Variants in LMTK2 observed in about 807,000 individuals in gnomAD.
LMTK2 encodes serine/threonine-protein kinase LMTK2.
Under a neutral mutation model 127.5 loss-of-function variants are expected in LMTK2, and 37 were observed. The ratio of observed to expected loss-of-function variants is 0.29; its 90% CI spans 0.22 to 0.38. The LOEUF is 0.38. Ranked by LOEUF, LMTK2 falls within the 10% of genes least tolerant of loss-of-function variation. The pLI, the probability that LMTK2 is intolerant of heterozygous loss-of-function variation, is 1.00. For missense variants in LMTK2, 1,694 were observed against 1,920.3 expected, an observed-to-expected ratio of 0.88 and a Z score of 2.20; for synonymous variants, 819 against 810.1, an observed-to-expected ratio of 1.01 and a Z score of -0.19.
Position 98,194,010 on chromosome 7 carries a change from C to T in LMTK2, c.3545C>T (p.Pro1182Leu). Reference sequence around the variant, plus strand: ...CTGGAATTAAGAGCCACGCCGGAGCCAGCACAGACTGGTGTTCCCCAGCAG... The same window carrying T: ...CTGGAATTAAGAGCCACGCCGGAGCTAGCACAGACTGGTGTTCCCCAGCAG... ...SDLELRATPE[P>L]AQTGVPQQVH... The change falls in exon 11 of 14, where the codon CCA becomes CTA. Residue 1182 changes from proline to leucine, a missense_variant. Coordinates refer to ENST00000297293, the MANE Select transcript of LMTK2 (RefSeq NM_014916.4). This position sits in a 1 kb window ranked among gnomAD's most constrained non-coding sequence, Gnocchi z 5.4. 1.2e-6 allele frequency: 2 copies of T among 1,614,154 alleles called. No individual in the cohort carries two copies. The highest frequency in any genetic ancestry group is 1.7e-6 in the Non-Finnish European group (2 of 1,180,054).
At chr7:98,133,804 A>T (rs1384034915) in intron 1 of LMTK2, among the ~76,000 whole-genome samples, 1 of 152,096 alleles carries the variant, frequency 6.6e-6, no homozygotes, top group East Asian at 1.9e-4. Flanking sequence ...CTATCTAGTG[A>T]CTCACAGAGG....
At chr7:98,185,286 T>G in intron 8 of LMTK2, 151 bp downstream of exon 8, 1 of 555,562 alleles carries the variant, frequency 1.8e-6, no homozygotes, top group Middle Eastern at 4.9e-4. Context: ...GGTCTAGGCT[T>G]CTGGCGTGTG....
intron 7 of LMTK2, among the ~76,000 whole-genome samples, chr7:98,183,320 T>G (rs1797381465): frequency 6.6e-6 from 1 of 152,230 alleles, no homozygotes; most frequent in African/African-American, 2.4e-5. Context: ...TTCATCTGCA[T>G]AATAAGAACC....
At chr7:98,184,410 TATTGTC>T (rs1231210127) in intron 7 of LMTK2, among the ~76,000 whole-genome samples, 5 of 151,966 alleles carry the variant, frequency 3.3e-5, no homozygotes, top group Non-Finnish European at 7.4e-5. Context: ...ACCATCACTT[TATTGTC>T]GCCTGACAGT....
rs537660111 is a variant in LMTK2 at position 98,195,235 on chromosome 7, G to A, written c.4107+663G>A. On this transcript the variant is annotated intron_variant, in intron 11 of 13. Transcript: ENST00000297293. ...AGTAGGACCCACCACTTGGGTACAA[G>A]CCTGGAACCATGGCTGGCGTGCAGC... Among the ~76,000 whole-genome samples the A allele has an allele frequency of 3.3e-5, 5 of 152,252 alleles. No individual in the cohort carries two copies. The South Asian group carries it at 1.0e-3, about 32-fold the overall frequency.
At chr7:98,115,191 G>A (rs1444199116) in intron 1 of LMTK2, among the ~76,000 whole-genome samples, 2 of 152,008 alleles carry the variant, frequency 1.3e-5, no homozygotes, top group Non-Finnish European at 2.9e-5. Flanking sequence ...GAGGTGGGTG[G>A]ATCACGTGAG....
At chr7:98,128,361 G>C (rs1006877036) in intron 1 of LMTK2, among the ~76,000 whole-genome samples, 11 of 152,042 alleles carry the variant, frequency 7.2e-5, no homozygotes, top group Admixed American at 6.6e-4. Context: ...GAGACACCAG[G>C]GATGCACACG....
chr7:98,179,151 G>A (rs1440685934), intron 7 of LMTK2, among the ~76,000 whole-genome samples: 1 of 152,244 alleles, frequency 6.6e-6, no homozygotes, highest in Admixed American at 6.5e-5. Context: ...AGGACCTTCT[G>A]CAGGCGTAAT....
chr7:98,131,004 A>G (rs982718262), intron 1 of LMTK2, among the ~76,000 whole-genome samples: 1 of 152,210 alleles, frequency 6.6e-6, no homozygotes, highest in Non-Finnish European at 1.5e-5. Flanking sequence ...CATGCAAGAC[A>G]TAGATACTGT....
chr7:98,125,384 T>C (rs1796430463), intron 1 of LMTK2, among the ~76,000 whole-genome samples: 1 of 152,260 alleles, frequency 6.6e-6, no homozygotes, highest in African/African-American at 2.4e-5. Context: ...TATATTTACT[T>C]AGTTGCTTAT....
intron 1 of LMTK2, among the ~76,000 whole-genome samples, chr7:98,115,100 A>G (rs1370076232): frequency 6.6e-6 from 1 of 152,190 alleles, no homozygotes; most frequent in African/African-American, 2.4e-5. Context: ...TGATTTATAA[A>G]TGACATGGGA....
intron 1 of LMTK2, among the ~76,000 whole-genome samples, chr7:98,121,865 T>A (rs1176545714): frequency 6.6e-6 from 1 of 151,438 alleles, no homozygotes; most frequent in African/African-American, 2.4e-5. Flanking sequence ...ATTAGCTGGG[T>A]GTGGTGGTGT....
At chr7:98,198,071 AT>A (rs57844130) in intron 11 of LMTK2, among the ~76,000 whole-genome samples, 3 of 149,048 alleles carry the variant, frequency 2.0e-5, no homozygotes, top group East Asian at 2.0e-4. Flanking sequence ...GTTTTCATGG[AT>A]TTTTTTTTCT....
Position 98,151,455 on chromosome 7 carries a change from G to C in LMTK2, c.450G>C (p.Lys150Asn). Residue 150 changes from lysine (K) to asparagine (N), a missense_variant and splice_region_variant, in exon 4 of 14, where the codon AAG (lysine) becomes AAC (asparagine). Physicochemically the swap from Lys to Asn is moderately conservative, Grantham distance 94. This residue lies in a region of LMTK2 where 203 missense variants were observed against 226.2 expected (regional missense o/e 0.90). Transcript: ENST00000297293. ...AAATTGGAAATGGCTGGTTTGGAAAGGTAAGATGCTCTTCACTTGCATTTG... is the reference window on the plus strand; with the variant it reads ...AAATTGGAAATGGCTGGTTTGGAAACGTAAGATGCTCTTCACTTGCATTTG... Reference protein sequence around the residue: ...IQEIGNGWFGKVLLGEIYTGT... With the variant: ...IQEIGNGWFGNVLLGEIYTGT... 1 of 1,610,052 alleles carries C rather than the reference G, an allele frequency of 6.2e-7. No individual in the cohort carries two copies. The highest frequency in any genetic ancestry group is 8.5e-7 in the Non-Finnish European group (1 of 1,176,418).
intron 3 of LMTK2, among the ~76,000 whole-genome samples, chr7:98,150,170 T>C (rs1323187044): frequency 6.6e-6 from 1 of 151,946 alleles, no homozygotes; most frequent in African/African-American, 2.4e-5. Context: ...TAGTCGGGCG[T>C]GGTAGCAGGT....
chr7:98,123,610 C>T (rs1252263638), intron 1 of LMTK2, among the ~76,000 whole-genome samples: 1 of 152,062 alleles, frequency 6.6e-6, no homozygotes, highest in African/African-American at 2.4e-5. Context: ...TGGTATGAGT[C>T]TCGTTTCATC....
intron 1 of LMTK2, among the ~76,000 whole-genome samples, chr7:98,133,347 G>C (rs1351015345): frequency 6.6e-6 from 1 of 152,118 alleles, no homozygotes; most frequent in African/African-American, 2.4e-5. Flanking sequence ...CTGTGTCAGG[G>C]ACTGGTTTCT....
chr7:98,136,229 C>T (rs868172789), intron 1 of LMTK2, among the ~76,000 whole-genome samples: 14 of 152,066 alleles, frequency 9.2e-5, no homozygotes, highest in Middle Eastern at 3.2e-3. Flanking sequence ...AATAAATATC[C>T]GTGAGTCCAT....
At chr7:98,138,360 T>A (rs75404292) in intron 2 of LMTK2, among the ~76,000 whole-genome samples, 3 of 152,134 alleles carry the variant, frequency 2.0e-5, no homozygotes, top group Non-Finnish European at 2.9e-5. Context: ...CTCATGGCTG[T>A]TTTTGTGTGC....
Sources: gnomAD v4.1 joint callset for allele counts (sites outside exome capture counted in the v4.1 genomes callset) on GRCh38, gnomAD v4.1.1 for gene constraint, gnomAD v4.1.1 regional missense constraint, Gnocchi (gnomAD v3.1) non-coding constraint, MANE v1.5 for transcripts, NCBI Gene and HGNC (gene_info 2026-07-23, HGNC 2026-07-21) for gene names.